UNC80: variants seen among roughly 807,000 people sequenced by gnomAD.
UNC80 encodes unc-80 subunit of NALCN channel complex, also known as protein unc-80 homolog.
UNC80 carries 164 observed loss-of-function variants against 384.6 expected under a neutral mutation model. The ratio of observed to expected loss-of-function variants is 0.43; its 90% CI spans 0.38 to 0.49. UNC80 has a LOEUF of 0.49. Among genes scored for constraint, UNC80 ranks in the 20% least tolerant of loss-of-function variants. The probability of loss-of-function intolerance (pLI) is 0.00; values close to 1 mark genes in which losing one functional copy is unlikely to be tolerated. For synonymous variants in UNC80, 1,486 were observed against 1,527.8 expected, an observed-to-expected ratio of 0.97 and a Z score of 0.64; for missense variants, 3,330 against 4,143.0, an observed-to-expected ratio of 0.80 and a Z score of 5.39.
At chr2:209,822,490 A>T (rs2080208522) in intron 13 of UNC80, among the ~76,000 whole-genome samples, 1 of 152,040 alleles carries the variant, frequency 6.6e-6, no homozygotes, top group Non-Finnish European at 1.5e-5. Flanking sequence ...TTACATATCA[A>T]CTCTGTCTGG....
chr2:209,842,237 G>A (rs531556732), intron 20 of UNC80, 113 bp from the exon 21 acceptor site: 6 of 766,172 alleles, frequency 7.8e-6, no homozygotes, highest in Non-Finnish European at 1.2e-5. Context: ...GAAGAGCAAA[G>A]TAATAGTATG....
chr2:209,862,716 C>A (rs2083438428), intron 22 of UNC80, among the ~76,000 whole-genome samples: 1 of 140,580 alleles, frequency 7.1e-6, no homozygotes, highest in African/African-American at 2.8e-5. Context: ...TATTTTGAGC[C>A]TATGTGTGTC....
chr2:209,918,726 G>A, intron 33 of UNC80, 63 bp downstream of exon 33: 7 of 1,430,276 alleles, frequency 4.9e-6, no homozygotes, highest in Non-Finnish European at 4.6e-6. Context: ...TAATATTTGT[G>A]GTAATTTGTT....
intron 22 of UNC80, among the ~76,000 whole-genome samples, chr2:209,863,684 T>G (rs1458318568): frequency 6.6e-6 from 1 of 151,998 alleles, no homozygotes; most frequent in Non-Finnish European, 1.5e-5. Context: ...TTCAGCTCCA[T>G]CAAGTCATTT....
chr2:209,913,793 T>G lies in UNC80; in HGVS notation c.4891-9T>G, dbSNP rs1209415548. On this transcript the variant is annotated splice_polypyrimidine_tract_variant and intron_variant, in intron 30 of 64. Coordinates refer to ENST00000673920, the MANE Select transcript of UNC80 (RefSeq NM_001371986.1). ...AAGATTTTAAAACATGATTTCCATC[T>G]TTTCCCAGGTGATGAGCTTGTCGCC... is the stretch of plus-strand genomic sequence containing the variant. 2 of 1,537,864 alleles carry G rather than the reference T, an allele frequency of 1.3e-6. No individual in the cohort carries two copies. The highest frequency in any genetic ancestry group is 2.4e-5 in the South Asian group (2 of 83,046).
chr2:209,816,457 A>C (rs12466464), intron 9 of UNC80, among the ~76,000 whole-genome samples: 124 of 152,356 alleles, frequency 8.1e-4, no homozygotes, highest in African/African-American at 2.9e-3. Context: ...ATGAAAAATG[A>C]AACAGAAAAA....
intron 20 of UNC80, 41 bp downstream of exon 20, chr2:209,840,689 C>G: frequency 6.7e-7 from 1 of 1,488,320 alleles, no homozygotes; most frequent in Non-Finnish European, 9.2e-7. Context: ...GTTGAAGTCG[C>G]TGATACAAAC....
Position 209,978,665 on chromosome 2 carries a change from T to C in UNC80, c.9075T>C (p.Ala3025=). 6.5e-7 allele frequency: 1 copy of C among 1,549,590 alleles called. No homozygotes were observed. The change falls in exon 59 of 65, where the codon GCT becomes GCC. Residue 3025 remains alanine, a synonymous_variant. Coordinates refer to ENST00000673920, the MANE Select transcript of UNC80 (RefSeq NM_001371986.1). The stretch of plus-strand genomic sequence containing the variant: ...AGGACAGTGAGCCATCCCAGCAGGC[T>C]TCGCAGGACACCCTGAGTCGGACTG... ...WEQDSEPSQQ[A]SQDTLSRTDE...
chr2:209,884,019 CT>C (rs1157236395), intron 25 of UNC80, among the ~76,000 whole-genome samples: 1 of 152,078 alleles, frequency 6.6e-6, no homozygotes, highest in Non-Finnish European at 1.5e-5. Context: ...GCTTCCCCCC[CT>C]CCCCCACAAA....
In UNC80 at chr2:209,819,192, C is replaced by T. The variant is rs1216380507; in HGVS notation, c.1893C>T (p.Tyr631=). Residue 631 remains tyrosine (Y), a synonymous_variant, in exon 12 of 65, where the codon TAC becomes TAT. Coordinates refer to ENST00000673920, the MANE Select transcript of UNC80 (RefSeq NM_001371986.1). The part of the protein sequence containing the change: ...SLTDSCINYS[Y]LEDTEHIDGT... ...CAGACTCCTGCATAAACTACAGCTA[C>T]CTAGAGGACACAGAACATATTGACG... is the stretch of plus-strand genomic sequence containing the variant. 6.4e-7 allele frequency: 1 copy of T among 1,551,996 alleles called. No homozygotes were observed. The highest frequency in any genetic ancestry group is 8.7e-7 in the Non-Finnish European group (1 of 1,147,064).
At chr2:209,916,069 GGAGAGTTGGTAATATAT>G (rs1266524339) in intron 31 of UNC80, among the ~76,000 whole-genome samples, 4 of 152,108 alleles carry the variant, frequency 2.6e-5, no homozygotes, top group Admixed American at 6.5e-5. Flanking sequence ...TTTAGATGAA[GGAGAGTTGGTAATATAT>G]GATTGGTGAC....
At chr2:209,973,353 A>G (rs2092931519) in intron 56 of UNC80, 83 bp downstream of exon 56, 3 of 1,206,408 alleles carry the variant, frequency 2.5e-6, no homozygotes, top group Non-Finnish European at 3.4e-6. Flanking sequence ...TAGATAGATA[A>G]ATAAATAAAT....
At chr2:209,781,348 A>G (rs905026405) in intron 4 of UNC80, among the ~76,000 whole-genome samples, 20 of 152,216 alleles carry the variant, frequency 1.3e-4, no homozygotes, top group African/African-American at 4.8e-4. Flanking sequence ...TGAGTAACCA[A>G]GATGGAATTC....
chr2:209,856,449 A>G (rs1310095094), intron 22 of UNC80, among the ~76,000 whole-genome samples: 2 of 152,100 alleles, frequency 1.3e-5, no homozygotes, highest in Non-Finnish European at 2.9e-5. Flanking sequence ...TTAATTTAAT[A>G]TAATTCATAA....
intron 8 of UNC80, among the ~76,000 whole-genome samples, chr2:209,814,064 G>C (rs576844101): frequency 1.3e-5 from 2 of 152,190 alleles, no homozygotes; most frequent in African/African-American, 4.8e-5. Context: ...TGCTAATTTA[G>C]TATAAGTCTT....
intron 26 of UNC80, among the ~76,000 whole-genome samples, chr2:209,889,222 G>C (rs980831683): frequency 1.3e-5 from 2 of 152,178 alleles, no homozygotes; most frequent in African/African-American, 4.8e-5. Flanking sequence ...CAGGTTGCTT[G>C]TAATTTTTTC....
intron 22 of UNC80, among the ~76,000 whole-genome samples, chr2:209,866,778 C>G (rs545275598): frequency 6.6e-6 from 1 of 152,102 alleles, no homozygotes; most frequent in Admixed American, 6.6e-5. Context: ...ATCATACTTT[C>G]GATACTCACA....
chr2:209,912,454 T>C (rs2089055744), intron 29 of UNC80, 106 bp from the exon 30 acceptor site: 4 of 592,320 alleles, frequency 6.8e-6, no homozygotes, highest in Non-Finnish European at 1.1e-5. Context: ...CCTTTAATTA[T>C]CGCTTCCACT....
chr2:209,983,855 A>G (rs1360417003), intron 60 of UNC80, among the ~76,000 whole-genome samples: 1 of 152,130 alleles, frequency 6.6e-6, no homozygotes, highest in Non-Finnish European at 1.5e-5. Context: ...ATATAGTTAA[A>G]TAGTTTGGGC....
Sources: allele counts gnomAD v4.1 joint callset (sites outside exome capture counted in the v4.1 genomes callset), GRCh38; gene constraint gnomAD v4.1.1; transcripts MANE v1.5; gene names NCBI Gene and HGNC (gene_info 2026-07-23, HGNC 2026-07-21).